The following ANK3 variants were observed in gnomAD, a reference collection of about 807,000 sequenced individuals.
ANK3 encodes ankyrin 3, also known as ankyrin-3.
In ANK3, 57 loss-of-function variants were observed where a neutral mutation model predicts 370.9. That is an observed-to-expected ratio of 0.15 (90% CI 0.12 to 0.19). The LOEUF (loss-of-function observed/expected upper bound fraction) is 0.19. ANK3 is among the 10% of genes least tolerant of loss of function. The pLI is 1.00. For missense variants in ANK3, 4,439 were observed against 5,302.1 expected (o/e 0.84, Z 5.06); for synonymous variants, 1,929 against 1,946.3 (o/e 0.99, Z 0.23).
intron 2 of ANK3, among the ~76,000 whole-genome samples, chr10:60,553,922 T>C (rs2077149155): frequency 1.3e-5 from 2 of 152,170 alleles, no homozygotes; most frequent in Admixed American, 1.3e-4. Flanking sequence ...GCTGGTTGAT[T>C]GGTTGGTTGT....
intron 42 of ANK3, chr10:60,044,850 A>G (rs2076683584): frequency 2.0e-5 from 3 of 152,202 alleles, no homozygotes. Context: ...TAATACACAC[A>G]TTTTTTGAAA....
At chr10:60,465,535 A>G (rs913897643) in intron 2 of ANK3, among the ~76,000 whole-genome samples, 2 of 152,188 alleles carry the variant, frequency 1.3e-5, no homozygotes, top group African/African-American at 4.8e-5. Flanking sequence ...AAGGAGAGAC[A>G]TTCCTCTTGA....
At chr10:60,695,525 A>G (rs1205409415) in intron 1 of ANK3, among the ~76,000 whole-genome samples, 1 of 152,220 alleles carries the variant, frequency 6.6e-6, no homozygotes, top group African/African-American at 2.4e-5. Context: ...AGCAAATGTA[A>G]AAGAACAGAA....
At chr10:60,678,251 T>A (rs1243798006) in intron 1 of ANK3, among the ~76,000 whole-genome samples, 4 of 152,150 alleles carry the variant, frequency 2.6e-5, no homozygotes, top group Admixed American at 2.6e-4. Context: ...AGGGCTTTGG[T>A]GAGAATTAAA....
At position 60,444,429 on chromosome 10, in the gene ANK3, C is replaced by CGTGTGTGT. The variant is rs374472777; in HGVS notation, c.97-164798_97-164791dup. On this transcript the variant is annotated intron_variant, in intron 2 of 43. Coordinates refer to the ANK3 transcript ENST00000373827. ...AAACATTATATGTATATATAACATA[C>CGTGTGTGT]GTGTGTGTGTGTGTGTATATATATA... 3.2e-3 allele frequency among the ~76,000 whole-genome samples: 477 copies of CGTGTGTGT among 148,098 alleles called. 4 individuals carry two copies. Among genetic ancestry groups the CGTGTGTGT allele is most frequent in the African/African-American group, 0.011 (425 of 40,278 alleles).
chr10:60,341,416 A>G (rs561820707), intron 1 of ANK3, among the ~76,000 whole-genome samples: 74 of 152,254 alleles, frequency 4.9e-4, no homozygotes, highest in African/African-American at 1.7e-3. Context: ...GGCACAAAAC[A>G]GGCCTTATGT....
At position 60,408,951 on chromosome 10, in the gene ANK3, C is replaced by G. The variant is rs1432403182; in HGVS notation, c.97-129312G>C. Among the ~76,000 whole-genome samples, 3 of 152,258 alleles carry G rather than the reference C, an allele frequency of 2.0e-5. No homozygotes were observed. In the East Asian group the frequency reaches 5.8e-4, roughly 29 times the overall value. ...AACTAATTAACAAGAGTAAGGAGTT[C>G]AGAAAACAAACAGTCATGGAGCAAC... On this transcript the variant is annotated intron_variant, in intron 2 of 43. Coordinates refer to the ANK3 transcript ENST00000373827.
chr10:60,633,150 A>G (rs2078507593), intron 1 of ANK3, among the ~76,000 whole-genome samples: 2 of 152,166 alleles, frequency 1.3e-5, no homozygotes, highest in South Asian at 4.1e-4. Context: ...CTGAAATGCA[A>G]TTTCCACCTA....
intron 1 of ANK3, among the ~76,000 whole-genome samples, chr10:60,624,544 A>G (rs1023800297): frequency 2.6e-5 from 4 of 152,148 alleles, no homozygotes; most frequent in Non-Finnish European, 5.9e-5. Flanking sequence ...AACTGTGAAT[A>G]TAATAGCTTT....
At chr10:60,497,568 CTTTTGTTTTTATTACATTT>C (rs2075690934) in intron 2 of ANK3, among the ~76,000 whole-genome samples, 1 of 152,094 alleles carries the variant, frequency 6.6e-6, no homozygotes, top group African/African-American at 2.4e-5. Flanking sequence ...ATTTATTAAG[CTTTTGTTTTTATTACATTT>C]TGGCACACTT....
chr10:60,140,871 C>T (rs2094530651), intron 23 of ANK3: 1 of 987,194 alleles, frequency 1.0e-6, no homozygotes. Context: ...CGAAGTGCTA[C>T]ATTTAATTAG....
rs564168615 is a variant in ANK3, at chr10:60,378,597, A to G, written c.114+10828T>C. Among the ~76,000 whole-genome samples, 3 of 152,274 alleles carry G rather than the reference A, an allele frequency of 2.0e-5. No homozygotes were observed. In the East Asian group the frequency reaches 5.8e-4, roughly 29 times the overall value. On this transcript the variant is annotated intron_variant, in intron 1 of 43. Transcript: ENST00000280772. ...GGTGCAAAGAACGCTCATTGGGGAA[A>G]GGAGAATTCCTTCAATAATTGGTGC...
chr10:60,326,811 G>A (rs76058474), intron 1 of ANK3, among the ~76,000 whole-genome samples: 1,614 of 152,196 alleles, frequency 0.011, 33 homozygotes, highest in African/African-American at 0.037. Flanking sequence ...CACGAGGTCA[G>A]GCTATCGAGA....
At chr10:60,667,844 T>C (rs1362298663) in intron 1 of ANK3, among the ~76,000 whole-genome samples, 1 of 151,480 alleles carries the variant, frequency 6.6e-6, no homozygotes, top group Non-Finnish European at 1.5e-5. Flanking sequence ...GCCCTGAATC[T>C]CTCTCTTTCC....
intron 25 of ANK3, among the ~76,000 whole-genome samples, chr10:60,119,380 T>C (rs771528884): frequency 5.3e-5 from 8 of 152,254 alleles, no homozygotes; most frequent in African/African-American, 1.7e-4. Context: ...TATTCACTTA[T>C]GTTTGTTCTG....
At chr10:60,135,560 C>T (rs2094302222) in intron 24 of ANK3, among the ~76,000 whole-genome samples, 1 of 152,222 alleles carries the variant, frequency 6.6e-6, no homozygotes, top group South Asian at 2.1e-4. Flanking sequence ...TAGCACCTTT[C>T]ACTTCTTCTT....
rs34552044 is a variant in ANK3 at position 60,181,389 on chromosome 10, A to G, written c.2124T>C (p.Asp708=). The stretch of plus-strand genomic sequence containing the variant: ...CGAGGACTTCTGCCACATTCACTCG[A>G]TCTTCTTGAGCAGCCAAATGGAGTG... The part of the protein sequence containing the change: ...LTPLHLAAQE[D]RVNVAEVLVN... The change falls in exon 18 of 44, where the codon GAT becomes GAC. Residue 708 remains aspartate, a synonymous_variant. Transcript: ENST00000280772. 0.039 allele frequency: 62,206 copies of G among 1,614,050 alleles called. 1,416 individuals are homozygous for G. The highest frequency in any genetic ancestry group is 0.047 in the Non-Finnish European group (55,182 of 1,179,958).
intron 8 of ANK3, among the ~76,000 whole-genome samples, chr10:60,217,488 T>C (rs2096959008): frequency 6.6e-6 from 1 of 152,212 alleles, no homozygotes; most frequent in Admixed American, 6.5e-5. Context: ...AAAGAACTTC[T>C]TGATTTCTGC....
At chr10:60,282,288 A>G (rs2098175355) in intron 1 of ANK3, among the ~76,000 whole-genome samples, 1 of 152,208 alleles carries the variant, frequency 6.6e-6, no homozygotes, top group Non-Finnish European at 1.5e-5. Flanking sequence ...TCAAGAAAAA[A>G]GCCTTTGAAT....
Sources: gnomAD v4.1 joint callset for allele counts (sites outside exome capture counted in the v4.1 genomes callset) on GRCh38, gnomAD v4.1.1 for gene constraint, MANE v1.5 for transcripts, NCBI Gene and HGNC (gene_info 2026-07-23, HGNC 2026-07-21) for gene names.